The following CNTN4 variants were observed in gnomAD, a reference collection of about 807,000 sequenced individuals.
CNTN4 encodes contactin 4.
Under a neutral mutation model 122.5 loss-of-function variants are expected in CNTN4, and 77 were observed. The ratio of observed to expected loss-of-function variants is 0.63; its 90% confidence interval spans 0.52 to 0.76. CNTN4 has a LOEUF of 0.76. Among genes scored for constraint, CNTN4 ranks in the 30% least tolerant of loss-of-function variants. The pLI is 0.00. For missense variants in CNTN4, 1,256 were observed against 1,259.1 expected, an observed-to-expected ratio of 1.00 and a Z score of 0.04; for synonymous variants, 512 against 447.0, an observed-to-expected ratio of 1.15 and a Z score of -1.83.
At chr3:2,347,807 AATTTC>A in intron 3 of CNTN4, among the ~76,000 whole-genome samples, 2 of 148,254 alleles carry the variant, frequency 1.3e-5, no homozygotes, top group Non-Finnish European at 3.0e-5. Flanking sequence ...TTTTTTTTTT[AATTTC>A]AATTTCTTGT....
intron 3 of CNTN4, among the ~76,000 whole-genome samples, chr3:2,470,451 A>G (rs2075647330): frequency 6.6e-6 from 1 of 152,172 alleles, no homozygotes; most frequent in Admixed American, 6.5e-5. Context: ...TATTGATAAA[A>G]TTGTACAACT....
intron 9 of CNTN4, 113 bp downstream of exon 9, chr3:2,883,360 C>A (rs138191607): frequency 9.0e-6 from 7 of 775,022 alleles, no homozygotes; most frequent in East Asian, 5.6e-5. Flanking sequence ...GCAAGTGAAG[C>A]CTTTCTCTTT....
chr3:2,199,480 T>C (rs1365752435), intron 2 of CNTN4, among the ~76,000 whole-genome samples: 2 of 152,156 alleles, frequency 1.3e-5, no homozygotes, highest in East Asian at 3.9e-4. Flanking sequence ...GATTGGATTT[T>C]AGCAGTATAA....
Position 2,745,633 on chromosome 3 carries a change from C to T in CNTN4, c.294C>T (p.Tyr98=). The change falls in exon 6 of 25, where the codon TAC becomes TAT. Residue 98 remains tyrosine (Y), a synonymous_variant. Coordinates refer to ENST00000418658, the MANE Select transcript of CNTN4 (RefSeq NM_175607.3). ...NPNKTQDAGT[Y]QCTATNSFGT... ...ATAAAACCCAAGATGCTGGAACGTA[C>T]CAGTGCACAGCGACAAACTCGTTTG... 6.2e-7 allele frequency: 1 copy of T among 1,614,090 alleles called. No homozygotes were observed. Among genetic ancestry groups the T allele is most frequent in the Non-Finnish European group, 8.5e-7 (1 of 1,179,962 alleles).
chr3:2,781,970 G>T (rs112313827), intron 6 of CNTN4, among the ~76,000 whole-genome samples: 1 of 150,268 alleles, frequency 6.7e-6, no homozygotes, highest in African/African-American at 2.5e-5. Context: ...TGATCCCCCC[G>T]CCTCGGCCTC....
chr3:2,719,376 A>G (rs930387047), intron 4 of CNTN4, among the ~76,000 whole-genome samples: 5 of 151,348 alleles, frequency 3.3e-5, no homozygotes, highest in African/African-American at 7.3e-5. Context: ...GCTCACTGCA[A>G]CCTCGCCTCC....
At chr3:2,987,331 G>A (rs1694671573) in intron 13 of CNTN4, among the ~76,000 whole-genome samples, 1 of 152,196 alleles carries the variant, frequency 6.6e-6, no homozygotes, top group Non-Finnish European at 1.5e-5. Flanking sequence ...CAGAGCCAAG[G>A]ATATAGCTTT....
intron 3 of CNTN4, among the ~76,000 whole-genome samples, chr3:2,368,110 G>C (rs867553863): frequency 2.8e-5 from 4 of 143,322 alleles, no homozygotes; most frequent in Non-Finnish European, 4.5e-5. Flanking sequence ...TCGGCTCACT[G>C]CAAGCTCTGC....
chr3:2,611,297 C>CAAAAAAAAAAAAAAAAAAAAAAAAAAAAA (rs201162114), intron 4 of CNTN4, among the ~76,000 whole-genome samples: 11 of 62,348 alleles, frequency 1.8e-4, no homozygotes, highest in African/African-American at 3.5e-4. Context: ...CACCTGGAAC[C>CAAAAAAAAAAAAAAAAAAAAAAAAAAAAA]AAAAAAAAAA....
chr3:2,152,767 C>T (rs2035550686), intron 2 of CNTN4, among the ~76,000 whole-genome samples: 1 of 152,140 alleles, frequency 6.6e-6, no homozygotes, highest in Non-Finnish European at 1.5e-5. Flanking sequence ...GTACGACTGG[C>T]TCTGGCCGGT....
At chr3:2,931,791 G>T (rs2094522782) in intron 13 of CNTN4, among the ~76,000 whole-genome samples, 1 of 152,018 alleles carries the variant, frequency 6.6e-6, no homozygotes, top group Non-Finnish European at 1.5e-5. Flanking sequence ...ACCATGCCTA[G>T]CTAATTTGTT....
intron 2 of CNTN4, among the ~76,000 whole-genome samples, chr3:2,206,960 A>G (rs551979758): frequency 1.3e-5 from 2 of 151,550 alleles, no homozygotes; most frequent in African/African-American, 2.4e-5. Flanking sequence ...TTCCAACAGC[A>G]TATGCTCACT....
chr3:2,794,237 T>C (rs1406043440), intron 6 of CNTN4, among the ~76,000 whole-genome samples: 1 of 152,182 alleles, frequency 6.6e-6, no homozygotes, highest in African/African-American at 2.4e-5. Context: ...TGGTGCCCGA[T>C]CCATCAGTAG....
chr3:2,406,036 A>G lies in CNTN4; in HGVS notation c.-89+66803A>G, dbSNP rs146133742. ...AGTAAGAGCTTATCTTAAAAAAAAG[A>G]AAAAAAACAGGGAAAGAGAAAAAAA... On this transcript the variant is annotated intron_variant, in intron 3 of 24. Transcript: ENST00000418658. 4.4e-3 allele frequency among the ~76,000 whole-genome samples: 662 copies of G among 151,890 alleles called. 5 individuals carry two copies. The highest frequency in any genetic ancestry group is 0.015 in the African/African-American group (618 of 41,390).
intron 2 of CNTN4, among the ~76,000 whole-genome samples, chr3:2,325,247 G>T (rs1006509388): frequency 5.3e-5 from 8 of 152,152 alleles, no homozygotes; most frequent in African/African-American, 1.7e-4. Context: ...ACATTAAAGA[G>T]AGATTTACAA....
intron 14 of CNTN4, among the ~76,000 whole-genome samples, chr3:3,020,065 A>G (rs1698153191): frequency 6.6e-6 from 1 of 152,126 alleles, no homozygotes. Flanking sequence ...TTGCATGGTG[A>G]GTGCTGAGTT....
rs182853579 is a variant in CNTN4 at position 2,978,316 on chromosome 3, G to A, written c.1359-10029G>A. On this transcript the variant is annotated intron_variant, in intron 13 of 24. Coordinates refer to ENST00000418658, the MANE Select transcript of CNTN4 (RefSeq NM_175607.3). ...ATAACCACAGGCTACCCTAAATCCC[G>A]GCCCCATGTACTCAGGCACATGCTG... is the stretch of plus-strand genomic sequence containing the variant. Among the ~76,000 whole-genome samples, 333 of 152,218 alleles carry A rather than the reference G, an allele frequency of 2.2e-3. 4 individuals carry two copies. The highest frequency in any genetic ancestry group is 6.9e-4 in the Non-Finnish European group (47 of 68,010).
intron 6 of CNTN4, among the ~76,000 whole-genome samples, chr3:2,764,220 T>C (rs1433330816): frequency 6.6e-6 from 1 of 152,134 alleles, no homozygotes; most frequent in Non-Finnish European, 1.5e-5. Context: ...GTAATCACAC[T>C]AGAAATATGT....
chr3:2,857,014 G>A (rs940779835), intron 7 of CNTN4, among the ~76,000 whole-genome samples: 8 of 152,146 alleles, frequency 5.3e-5, no homozygotes, highest in African/African-American at 1.9e-4. Context: ...ATGTTCTTAG[G>A]CCAGTGACAG....
Sources: allele counts gnomAD v4.1 joint callset (sites outside exome capture counted in the v4.1 genomes callset), GRCh38; gene constraint gnomAD v4.1.1; transcripts MANE v1.5; gene names NCBI Gene and HGNC (gene_info 2026-07-23, HGNC 2026-07-21).